Variants in LCP1 observed in about 807,000 individuals in gnomAD.
LCP1 encodes the protein lymphocyte cytosolic protein 1.
In LCP1, 23 loss-of-function variants were observed where a neutral mutation model predicts 72.0. The observed-to-expected ratio is 0.32, with a 90% CI of 0.23 to 0.45. The LOEUF (loss-of-function observed/expected upper bound fraction) is 0.45. LCP1 is among the 20% of genes least tolerant of loss of function. The probability of loss-of-function intolerance (pLI) is 1.00; values close to 1 mark genes in which losing one functional copy is unlikely to be tolerated. For synonymous variants in LCP1, 245 were observed against 275.4 expected (o/e 0.89, Z 1.09); for missense variants, 571 against 748.3 (o/e 0.76, Z 2.76).
chr13:46,139,183 G>A (rs551732049), intron 13 of LCP1, among the ~76,000 whole-genome samples: 1 of 152,228 alleles, frequency 6.6e-6, no homozygotes, highest in African/African-American at 2.4e-5. Context: ...ATGATGTTCT[G>A]GATACATGCA....
chr13:46,135,689 A>G (rs186497074), intron 13 of LCP1, among the ~76,000 whole-genome samples: 41 of 151,166 alleles, frequency 2.7e-4, no homozygotes, highest in African/African-American at 8.8e-4. Flanking sequence ...GCTCCTCTTC[A>G]TTCTGTTTCT....
In LCP1 at chr13:46,151,088, C is replaced by G. The variant is rs756455733; in HGVS notation, c.740-10G>C. On this transcript the variant is annotated splice_polypyrimidine_tract_variant and intron_variant, in intron 7 of 15. Coordinates refer to ENST00000323076, the MANE Select transcript of LCP1 (RefSeq NM_002298.5). ...AAAAGAGCAATCAGAGCTGAAGAAG[C>G]ACAAAAACCACAGAAAAATAAATGC... The G allele has an allele frequency of 2.5e-6, 4 of 1,598,914 alleles. No homozygotes were observed. In the East Asian group the frequency reaches 9.0e-5, roughly 36 times the overall value.
chr13:46,154,704 T>C, intron 6 of LCP1, 101 bp downstream of exon 6: 1 of 899,406 alleles, frequency 1.1e-6, no homozygotes, highest in Non-Finnish European at 1.8e-6. Context: ...GCCTGGGTTT[T>C]GCGAATGATG....
chr13:46,160,709 T>C (rs770360359), intron 1 of LCP1, among the ~76,000 whole-genome samples: 1 of 152,156 alleles, frequency 6.6e-6, no homozygotes, highest in Non-Finnish European at 1.5e-5. Flanking sequence ...AAATGGATGA[T>C]AATCTCCATG....
At chr13:46,159,744 A>C in intron 1 of LCP1, 58 bp from the exon 2 acceptor site, 1 of 989,696 alleles carries the variant, frequency 1.0e-6, no homozygotes, top group Non-Finnish European at 1.6e-6. Context: ...TTAAAATACC[A>C]CATTAAGAAG....
At chr13:46,132,910 C>T (rs1295042499) in intron 14 of LCP1, among the ~76,000 whole-genome samples, 1 of 152,132 alleles carries the variant, frequency 6.6e-6, no homozygotes, top group Non-Finnish European at 1.5e-5. Context: ...CGAACCACCT[C>T]ACCAACCCTG....
intron 1 of LCP1, among the ~76,000 whole-genome samples, chr13:46,173,878 T>C (rs2045915490): frequency 6.6e-6 from 1 of 152,188 alleles, no homozygotes; most frequent in Admixed American, 6.5e-5. Context: ...TGGAAAAATG[T>C]ACAGCAATCT....
At chr13:46,130,755 C>T in intron 15 of LCP1, 59 bp downstream of exon 15, 1 of 1,599,794 alleles carries the variant, frequency 6.3e-7, no homozygotes, top group Non-Finnish European at 8.5e-7. Flanking sequence ...ACTTTACAAC[C>T]ATCCAGCTGC....
At chr13:46,152,211 T>C (rs1215393054) in intron 7 of LCP1, among the ~76,000 whole-genome samples, 1 of 152,170 alleles carries the variant, frequency 6.6e-6, no homozygotes. Context: ...CTTTCTTTCT[T>C]TTTTGTAGGA....
In LCP1 at chr13:46,156,337, C is replaced by G. The variant is rs1593955630; in HGVS notation, c.491+101G>C. 2.9e-6 allele frequency: 4 copies of G among 1,398,902 alleles called. No individual in the cohort carries two copies. In the East Asian group the frequency reaches 6.9e-5, roughly 24 times the overall value. The allele number at this position is 1,398,902 out of a possible 1,614,324, so 86.7% of individuals were successfully genotyped here. ...GTCCAGAAAAGCCTTCTAGGTGCAGCTGAGCACCAAACAAAGTTGGCCTAC... is the reference window on the plus strand; with the variant it reads ...GTCCAGAAAAGCCTTCTAGGTGCAGGTGAGCACCAAACAAAGTTGGCCTAC... On this transcript the variant is annotated intron_variant, in intron 5 of 15. Coordinates refer to ENST00000323076, the MANE Select transcript of LCP1 (RefSeq NM_002298.5).
chr13:46,149,432 T>A (rs1452419011), intron 8 of LCP1, among the ~76,000 whole-genome samples: 2 of 152,182 alleles, frequency 1.3e-5, no homozygotes, highest in Non-Finnish European at 2.9e-5. Flanking sequence ...CATGCAGGTG[T>A]CAGGCACCAA....
intron 12 of LCP1, chr13:46,142,942 G>A: frequency 2.9e-6 from 1 of 346,624 alleles, no homozygotes; most frequent in East Asian, 8.0e-5. Flanking sequence ...TCGACAAACT[G>A]TTTGAACAAG....
intron 10 of LCP1, 125 bp from the exon 11 acceptor site, chr13:46,144,645 C>G (rs959183855): frequency 1.4e-6 from 1 of 692,734 alleles, no homozygotes; most frequent in African/African-American, 1.8e-5. Context: ...ATAAAATAAA[C>G]TGTATTGGAT....
intron 1 of LCP1, among the ~76,000 whole-genome samples, chr13:46,170,983 GTTTTTT>G: frequency 6.6e-6 from 1 of 152,264 alleles, no homozygotes; most frequent in South Asian, 2.1e-4. Context: ...AGATCAGTCT[GTTTTTT>G]TCTTCATTCA....
intron 1 of LCP1, among the ~76,000 whole-genome samples, chr13:46,180,218 G>A (rs2045949913): frequency 1.3e-5 from 2 of 152,028 alleles, no homozygotes; most frequent in African/African-American, 4.8e-5. Context: ...CAATTATCTA[G>A]CCCATTCCTT....
chr13:46,178,774 A>C (rs1241944912), intron 1 of LCP1, among the ~76,000 whole-genome samples: 1 of 152,236 alleles, frequency 6.6e-6, no homozygotes, highest in Non-Finnish European at 1.5e-5. Context: ...TAACTGAAAT[A>C]ATGTCACTCT....
At chr13:46,140,667 A>C (rs1179047098) in intron 13 of LCP1, among the ~76,000 whole-genome samples, 1 of 152,212 alleles carries the variant, frequency 6.6e-6, no homozygotes, top group African/African-American at 2.4e-5. Context: ...TAATGAAGAT[A>C]AAAATAAATT....
intron 15 of LCP1, among the ~76,000 whole-genome samples, chr13:46,128,083 C>A (rs2045610787): frequency 6.7e-6 from 1 of 150,062 alleles, no homozygotes; most frequent in South Asian, 2.1e-4. Flanking sequence ...TCAAGAGAAG[C>A]TCTTGCCTCA....
chr13:46,181,674 C>T (rs977927397), intron 1 of LCP1, among the ~76,000 whole-genome samples: 1 of 152,038 alleles, frequency 6.6e-6, no homozygotes, highest in Admixed American at 6.6e-5. Flanking sequence ...AAAACAGAAC[C>T]GCAGGAACTA....
Sources: allele counts gnomAD v4.1 joint callset (sites outside exome capture counted in the v4.1 genomes callset), GRCh38; gene constraint gnomAD v4.1.1; transcripts MANE v1.5; gene names NCBI Gene and HGNC (gene_info 2026-07-23, HGNC 2026-07-21).